Variants in PTPRD observed in about 807,000 individuals in gnomAD.
PTPRD encodes protein tyrosine phosphatase receptor type D.
PTPRD carries 34 observed loss-of-function variants against 214.5 expected under a neutral mutation model. The observed-to-expected ratio is 0.16, with a 90% CI of 0.12 to 0.21. PTPRD has a LOEUF of 0.21. Among genes scored for constraint, PTPRD ranks in the 10% least tolerant of loss-of-function variants. The probability of loss-of-function intolerance (pLI) is 1.00; values close to 1 mark genes in which losing one functional copy is unlikely to be tolerated. For missense variants in PTPRD, 2,545 were observed against 2,398.7 expected, an observed-to-expected ratio of 1.06 and a Z score of -1.27; for synonymous variants, 1,128 against 845.7, an observed-to-expected ratio of 1.33 and a Z score of -5.79.
At chr9:8,912,487 T>C (rs1374495707) in intron 11 of PTPRD, among the ~76,000 whole-genome samples, 4 of 152,142 alleles carry the variant, frequency 2.6e-5, no homozygotes, top group Non-Finnish European at 4.4e-5. Flanking sequence ...GATCTGAGGT[T>C]GTCTGGGACC....
intron 39 of PTPRD, among the ~76,000 whole-genome samples, chr9:8,373,099 C>G (rs2082042504): frequency 2.6e-5 from 4 of 151,978 alleles, no homozygotes; most frequent in Admixed American, 2.0e-4. Context: ...TGTAACATGG[C>G]TATTGTGGCT....
chr9:8,746,778 G>C (rs1009753583), intron 11 of PTPRD, among the ~76,000 whole-genome samples: 1 of 152,140 alleles, frequency 6.6e-6, no homozygotes, highest in Admixed American at 6.5e-5. Flanking sequence ...AGGATCACTT[G>C]AGGTCAAGAG....
At chr9:9,830,077 T>C (rs2054306516) in intron 5 of PTPRD, among the ~76,000 whole-genome samples, 1 of 151,718 alleles carries the variant, frequency 6.6e-6, no homozygotes, top group Non-Finnish European at 1.5e-5. Flanking sequence ...TTTCTTGGCA[T>C]TATTAAGTAA....
intron 12 of PTPRD, among the ~76,000 whole-genome samples, chr9:8,664,375 G>C (rs2097129145): frequency 6.6e-6 from 1 of 152,146 alleles, no homozygotes; most frequent in Non-Finnish European, 1.5e-5. Context: ...TTTTCCTATA[G>C]AGAACACAAG....
intron 7 of PTPRD, among the ~76,000 whole-genome samples, chr9:9,634,760 T>C (rs1047888786): frequency 1.3e-5 from 2 of 152,192 alleles, no homozygotes; most frequent in African/African-American, 4.8e-5. Context: ...ATATTTTAAT[T>C]TGAATGTGTA....
chr9:8,702,071 A>G (rs2098098732), intron 12 of PTPRD, among the ~76,000 whole-genome samples: 1 of 152,052 alleles, frequency 6.6e-6, no homozygotes, highest in African/African-American at 2.4e-5. Context: ...ACTCTCAATT[A>G]CTTTGTGTCA....
chr9:10,408,588 A>G (rs917015521), intron 2 of PTPRD, among the ~76,000 whole-genome samples: 1 of 151,618 alleles, frequency 6.6e-6, no homozygotes, highest in African/African-American at 2.4e-5. Flanking sequence ...CTAGAATTGC[A>G]TTTCTAGCTT....
At chr9:9,826,400 A>G (rs1350429198) in intron 5 of PTPRD, among the ~76,000 whole-genome samples, 1 of 151,934 alleles carries the variant, frequency 6.6e-6, no homozygotes, top group Non-Finnish European at 1.5e-5. Flanking sequence ...AATTATTTAA[A>G]AAAAATACAA....
intron 6 of PTPRD, among the ~76,000 whole-genome samples, chr9:9,765,521 G>C (rs961960785): frequency 5.3e-5 from 8 of 152,188 alleles, no homozygotes; most frequent in African/African-American, 1.2e-4. Context: ...GAAGAACCTT[G>C]AATAGGATAG....
intron 9 of PTPRD, among the ~76,000 whole-genome samples, chr9:9,356,154 A>C (rs1189639827): frequency 6.6e-6 from 1 of 151,498 alleles, no homozygotes; most frequent in Non-Finnish European, 1.5e-5. Context: ...TTTTTCTGCA[A>C]AAGAAAAAGA....
intron 2 of PTPRD, among the ~76,000 whole-genome samples, chr9:10,397,836 T>G (rs757456394): frequency 4.6e-5 from 7 of 151,950 alleles, no homozygotes. Flanking sequence ...TCTAGCTGTA[T>G]AGTAGGCAAT....
chr9:10,183,750 GATAAA>G (rs1480346929), intron 3 of PTPRD, among the ~76,000 whole-genome samples: 1 of 152,056 alleles, frequency 6.6e-6, no homozygotes, highest in Non-Finnish European at 1.5e-5. Flanking sequence ...ACTTTTTTCA[GATAAA>G]ATAAAACGTC....
At chr9:9,251,892 T>TC (rs2099975621) in intron 9 of PTPRD, among the ~76,000 whole-genome samples, 1 of 152,068 alleles carries the variant, frequency 6.6e-6, no homozygotes, top group East Asian at 1.9e-4. Context: ...CTTGATGCTA[T>TC]CCCTTGTTTT....
chr9:9,313,866 G>C (rs1042420798), intron 9 of PTPRD, among the ~76,000 whole-genome samples: 4 of 152,092 alleles, frequency 2.6e-5, no homozygotes, highest in Admixed American at 2.6e-4. Flanking sequence ...TTCCAATTTA[G>C]TTTCACGTGT....
At chr9:10,382,363 CT>C (rs2097842317) in intron 2 of PTPRD, among the ~76,000 whole-genome samples, 1 of 151,826 alleles carries the variant, frequency 6.6e-6, no homozygotes, top group Non-Finnish European at 1.5e-5. Flanking sequence ...ATATTGTATG[CT>C]TTACTTTTCA....
chr9:9,814,367 A>G (rs905638874), intron 5 of PTPRD, among the ~76,000 whole-genome samples: 1 of 151,922 alleles, frequency 6.6e-6, no homozygotes, highest in Non-Finnish European at 1.5e-5. Flanking sequence ...TTTGAAAATG[A>G]CTTCATTTTA....
chr9:9,484,532 C>G (rs920911464), intron 8 of PTPRD, among the ~76,000 whole-genome samples: 1 of 152,084 alleles, frequency 6.6e-6, no homozygotes, highest in Non-Finnish European at 1.5e-5. Context: ...ATGTTTGTTG[C>G]TGAATGTAAA....
chr9:9,844,829 A>T (rs907456020), intron 5 of PTPRD, among the ~76,000 whole-genome samples: 3 of 151,528 alleles, frequency 2.0e-5, no homozygotes, highest in African/African-American at 7.3e-5. Context: ...AAAATTTAAA[A>T]AGTGTCAGAA....
chr9:10,071,657 T>G (rs1169787641), intron 3 of PTPRD, among the ~76,000 whole-genome samples: 1 of 151,972 alleles, frequency 6.6e-6, no homozygotes, highest in Non-Finnish European at 1.5e-5. Flanking sequence ...GGTCTAAAAA[T>G]AAGTCTAAAA....
Sources: gnomAD v4.1 joint callset for allele counts (sites outside exome capture counted in the v4.1 genomes callset) on GRCh38, gnomAD v4.1.1 for gene constraint, MANE v1.5 for transcripts, NCBI Gene and HGNC (gene_info 2026-07-23, HGNC 2026-07-21) for gene names.